AKAP6: variants seen among roughly 807,000 people sequenced by gnomAD.
AKAP6 encodes the protein A-kinase anchoring protein 6.
In AKAP6, 58 loss-of-function variants were observed where a neutral mutation model predicts 188.5. The ratio of observed to expected loss-of-function variants is 0.31; its 90% CI spans 0.25 to 0.38. AKAP6 has a LOEUF of 0.38. AKAP6 is among the 10% of genes least tolerant of loss of function. The pLI is 1.00. For missense variants in AKAP6, 2,710 were observed against 2,740.0 expected (o/e 0.99, Z 0.24); for synonymous variants, 989 against 998.6 (o/e 0.99, Z 0.18).
rs568749165 is a variant in AKAP6 at position 32,345,358 on chromosome 14, T to A, written c.-35+15950T>A. 8.9e-4 allele frequency among the ~76,000 whole-genome samples: 135 copies of A among 152,320 alleles called. 1 individual carries two copies. In the Middle Eastern group the frequency reaches 0.01, roughly 12 times the overall value. On this transcript the variant is annotated intron_variant, in intron 1 of 13. Coordinates refer to ENST00000280979, the MANE Select transcript of AKAP6 (RefSeq NM_004274.5). The stretch of plus-strand genomic sequence containing the variant: ...TCAAGGAACAAAATTGCCTGAAGGC[T>A]TTTCCACAGGTACAGGTAAAAATTG...
At chr14:32,720,856 C>A (rs143025524) in intron 9 of AKAP6, among the ~76,000 whole-genome samples, 52 of 151,658 alleles carry the variant, frequency 3.4e-4, no homozygotes, top group African/African-American at 1.2e-3. Context: ...GAACCTGTCT[C>A]AAAAAAAACT....
At chr14:32,585,861 A>G (rs1252015877) in intron 5 of AKAP6, among the ~76,000 whole-genome samples, 2 of 152,120 alleles carry the variant, frequency 1.3e-5, no homozygotes, top group East Asian at 1.9e-4. Flanking sequence ...TGAGAGAGGT[A>G]TGGTGAGCCA....
chr14:32,387,163 T>C (rs967391065), intron 1 of AKAP6, among the ~76,000 whole-genome samples: 4 of 152,106 alleles, frequency 2.6e-5, no homozygotes, highest in African/African-American at 9.7e-5. Context: ...CTGTGCTGAA[T>C]TATTTTATCA....
At chr14:32,528,356 G>T (rs1029885458) in intron 2 of AKAP6, among the ~76,000 whole-genome samples, 12 of 151,828 alleles carry the variant, frequency 7.9e-5, no homozygotes, top group Non-Finnish European at 8.8e-5. Context: ...AGGGTGTAAG[G>T]TCAATGTCTA....
chr14:32,751,213 A>G (rs778536116), intron 11 of AKAP6, among the ~76,000 whole-genome samples: 1 of 152,006 alleles, frequency 6.6e-6, no homozygotes, highest in Non-Finnish European at 1.5e-5. Flanking sequence ...AGTACTGGCT[A>G]TTGGATCATC....
chr14:32,683,176 T>G (rs1377281663), intron 8 of AKAP6, among the ~76,000 whole-genome samples: 1 of 152,046 alleles, frequency 6.6e-6, no homozygotes, highest in Admixed American at 6.6e-5. Flanking sequence ...GTATTTTTAG[T>G]AGAGACGGGG....
rs576899717 is a variant in AKAP6, at chr14:32,702,054, T to C, written c.3000+5944T>C. Among the ~76,000 whole-genome samples the C allele has an allele frequency of 6.4e-4, 98 of 152,284 alleles. 1 individual carries two copies. In the Middle Eastern group the frequency reaches 0.017, roughly 26 times the overall value. On this transcript the variant is annotated intron_variant, in intron 9 of 13. Transcript: ENST00000280979. Reference sequence around the variant, plus strand: ...TTCAAAATGAAACAAATTACAGTTATTGAAGCAGTCAAGGTAAAAATGTTC... The same window carrying C: ...TTCAAAATGAAACAAATTACAGTTACTGAAGCAGTCAAGGTAAAAATGTTC...
chr14:32,495,977 A>G (rs1880295923), intron 2 of AKAP6, among the ~76,000 whole-genome samples: 1 of 152,210 alleles, frequency 6.6e-6, no homozygotes, highest in Non-Finnish European at 1.5e-5. Context: ...GTTGACCTGT[A>G]TTATAAAGTA....
At position 32,823,206 on chromosome 14, in the gene AKAP6, T is replaced by C; in HGVS notation, c.5393T>C (p.Ile1798Thr). Reference sequence around the variant, plus strand: ...ACCTTGATGTCAGGGCTAGACTACATAAAGAATGAATTACAGACCTGGATT... The same window carrying C: ...ACCTTGATGTCAGGGCTAGACTACACAAAGAATGAATTACAGACCTGGATT... ...DCTLMSGLDY[I>T]KNELQTWIRP... is the part of the protein sequence containing the mutation. The change falls in exon 13 of 14, where the codon ATA becomes ACA. Residue 1798 changes from isoleucine (I) to threonine (T), a missense_variant. Physicochemically the swap from Ile to Thr is moderately conservative, Grantham distance 89 (BLOSUM62 -1). Around this residue, in one of 2 missense-constraint regions of AKAP6, gnomAD observed 2,473 missense variants for 2,426.1 expected, o/e 1.02. Coordinates refer to ENST00000280979, the MANE Select transcript of AKAP6 (RefSeq NM_004274.5). The C allele has an allele frequency of 1.2e-6, 2 of 1,613,726 alleles. No individual in the cohort carries two copies. The highest frequency in any genetic ancestry group is 1.7e-6 in the Non-Finnish European group (2 of 1,179,886).
At chr14:32,362,102 G>A (rs1423165823) in intron 1 of AKAP6, among the ~76,000 whole-genome samples, 1 of 152,224 alleles carries the variant, frequency 6.6e-6, no homozygotes, top group African/African-American at 2.4e-5. Flanking sequence ...CTAGAACTGA[G>A]AGGGTCCTTG....
chr14:32,761,335 G>C (rs1164207943), intron 11 of AKAP6, among the ~76,000 whole-genome samples: 1 of 152,018 alleles, frequency 6.6e-6, no homozygotes, highest in African/African-American at 2.4e-5. Context: ...TAGCATTCTG[G>C]AATAATAGGA....
At chr14:32,464,022 C>G (rs1878241452) in intron 2 of AKAP6, among the ~76,000 whole-genome samples, 1 of 152,192 alleles carries the variant, frequency 6.6e-6, no homozygotes, top group Non-Finnish European at 1.5e-5. Context: ...TGTACACATT[C>G]ATCCTCTCAA....
chr14:32,675,818 T>G (rs1337751499), intron 7 of AKAP6, among the ~76,000 whole-genome samples: 1 of 152,250 alleles, frequency 6.6e-6, no homozygotes, highest in East Asian at 1.9e-4. Flanking sequence ...TACTCTCAGC[T>G]TTGTTCTCTG....
chr14:32,466,004 T>C (rs1349472221), intron 2 of AKAP6, among the ~76,000 whole-genome samples: 1 of 152,124 alleles, frequency 6.6e-6, no homozygotes, highest in Non-Finnish European at 1.5e-5. Context: ...ATTACAGAAA[T>C]GCAAATCAAA....
intron 12 of AKAP6, among the ~76,000 whole-genome samples, chr14:32,785,600 CG>C (rs2033376031): frequency 6.6e-6 from 1 of 152,162 alleles, no homozygotes; most frequent in Admixed American, 6.5e-5. Flanking sequence ...AGTTAATATA[CG>C]TGTGAAGCTT....
intron 2 of AKAP6, among the ~76,000 whole-genome samples, chr14:32,530,652 T>G (rs2139097361): frequency 6.6e-6 from 1 of 152,296 alleles, no homozygotes; most frequent in South Asian, 2.1e-4. Flanking sequence ...TAGCAGGAAC[T>G]GAGAAGTCAC....
intron 1 of AKAP6, among the ~76,000 whole-genome samples, chr14:32,418,443 A>G (rs17486508): frequency 0.28 from 42,577 of 152,130 alleles, 7,232 homozygotes; most frequent in Admixed American, 0.39. Flanking sequence ...GGTTAGTGGT[A>G]AGTAATAAAA....
chr14:32,580,124 A>G (rs1165121077), intron 5 of AKAP6, among the ~76,000 whole-genome samples: 1 of 152,156 alleles, frequency 6.6e-6, no homozygotes, highest in African/African-American at 2.4e-5. Flanking sequence ...CCATGATGGT[A>G]CCAAGGGTTT....
chr14:32,596,229 A>G (rs577110956), intron 5 of AKAP6, among the ~76,000 whole-genome samples: 1 of 152,272 alleles, frequency 6.6e-6, no homozygotes. Flanking sequence ...ATCAAGGCGT[A>G]TATTTCCTTG....
Sources: allele counts gnomAD v4.1 joint callset (sites outside exome capture counted in the v4.1 genomes callset), GRCh38; gene constraint gnomAD v4.1.1; regional missense constraint gnomAD v4.1.1; transcripts MANE v1.5; gene names NCBI Gene and HGNC (gene_info 2026-07-23, HGNC 2026-07-21).